Variants in ABCG1 observed in about 807,000 individuals in gnomAD.
The protein encoded by ABCG1 is ATP binding cassette subfamily G member 1.
In ABCG1, 29 loss-of-function variants were observed where a neutral mutation model predicts 69.2. The observed-to-expected ratio is 0.42, with a 90% CI of 0.31 to 0.57. The LOEUF (loss-of-function observed/expected upper bound fraction) is 0.57, where lower values mean the gene tolerates loss of function less well. ABCG1 is among the 20% of genes least tolerant of loss of function. The pLI is 0.15. For missense variants in ABCG1, 718 were observed against 898.1 expected (o/e 0.80, Z 2.56); for synonymous variants, 370 against 374.8 (o/e 0.99, Z 0.15).
At position 42,288,346 on chromosome 21, in the gene ABCG1, G is replaced by A; in HGVS notation, c.1224+34G>A. 6.6e-7 allele frequency: 1 copy of A among 1,507,230 alleles called. No individual in the cohort carries two copies. Among genetic ancestry groups the A allele is most frequent in the Non-Finnish European group, 9.2e-7 (1 of 1,084,386 alleles). 93.4% of individuals were successfully genotyped at this position (1,507,230 alleles called of 1,614,324 possible). The stretch of plus-strand genomic sequence containing the variant: ...GCCCGCATCTTCTCCTGTAGCTGGG[G>A]AACCCGTGGGTCATTTTCTCAGACT... On this transcript the variant is annotated intron_variant, in intron 10 of 14. Coordinates refer to ENST00000398449, the MANE Select transcript of ABCG1 (RefSeq NM_016818.3). This position sits in a 1 kb window ranked among gnomAD's most constrained non-coding sequence, Gnocchi z 4.8.
chr21:42,276,817 C>T lies in ABCG1; in HGVS notation c.538-78C>T. On this transcript the variant is annotated intron_variant, in intron 4 of 14. Transcript: ENST00000398449. The surrounding 1 kb of genome is among the most constrained non-coding windows in gnomAD (Gnocchi z 5.3). ...TGCATCTTGGCTAGCTGCACCGTGG[C>T]CTGCAGTGCGGGCATGAGGCTCACA... is the stretch of plus-strand genomic sequence containing the variant. 1 of 1,467,940 alleles carries T rather than the reference C, an allele frequency of 6.8e-7. No individual in the cohort carries two copies. The highest frequency in any genetic ancestry group is 1.7e-5 in the Admixed American group (1 of 58,974). The allele number at this position is 1,467,940 out of a possible 1,614,324, so 90.9% of individuals were successfully genotyped here. A position where few individuals can be genotyped will look rare whatever the true frequency, so the allele number is the denominator to read the frequency against.
chr21:42,220,124 A>G (rs940551275), intron 1 of ABCG1: 4 of 1,346,086 alleles, frequency 3.0e-6, no homozygotes, highest in South Asian at 2.6e-5. Flanking sequence ...CAAACCAATC[A>G]TCAGGCCCCC....
At chr21:42,201,063 T>G (rs1486088297) in intron 1 of ABCG1, among the ~76,000 whole-genome samples, 2 of 152,108 alleles carry the variant, frequency 1.3e-5, no homozygotes, top group African/African-American at 2.4e-5. Context: ...ATTGTGCTTT[T>G]TTTTTTCACC....
In ABCG1 at chr21:42,270,938, T is replaced by C. The variant is rs1394365396; in HGVS notation, c.287-132T>C. The C allele has an allele frequency of 7.3e-6, 4 of 548,794 alleles. No individual in the cohort carries two copies. The East Asian group carries it at 1.3e-4, about 17-fold the overall frequency. The allele number at this position is 548,794 out of a possible 1,614,324, so 34.0% of individuals were successfully genotyped here. On this transcript the variant is annotated intron_variant, in intron 2 of 14. Coordinates refer to ENST00000398449, the MANE Select transcript of ABCG1 (RefSeq NM_016818.3). ...AAGACATGAAGTTCATGTTCTTCCC[T>C]GGAATGCAGCCTTTTCTATGATGCA...
chr21:42,215,310 CAG>C (rs2067628277), upstream of ABCG1, among the ~76,000 whole-genome samples: 1 of 152,244 alleles, frequency 6.6e-6, no homozygotes, highest in Admixed American at 6.5e-5. Context: ...ATCCTCACGC[CAG>C]AGGCCAAGTC....
At chr21:42,215,504 C>A (rs562102294), upstream of ABCG1, among the ~76,000 whole-genome samples, 29 of 152,336 alleles carry the variant, frequency 1.9e-4, no homozygotes, top group African/African-American at 6.7e-4. Context: ...CTGTTGGCTG[C>A]AAGTCAAGGC....
At chr21:42,294,352 C>CG (rs1311682906) in intron 13 of ABCG1, among the ~76,000 whole-genome samples, 190 bp from the exon 14 acceptor site, 1 of 152,126 alleles carries the variant, frequency 6.6e-6, no homozygotes, top group African/African-American at 2.4e-5. Context: ...GCAGGGCAGC[C>CG]GGGGGGTCCT....
chr21:42,216,179 A>G (rs546305232), upstream of ABCG1: 649 of 450,674 alleles, frequency 1.4e-3, 10 homozygotes, highest in South Asian at 9.9e-3. Context: ...TTCCCCAGCC[A>G]CATGGAACTG....
At chr21:42,293,421 CCACACTA>C (rs1236875379) in intron 13 of ABCG1, among the ~76,000 whole-genome samples, 2 of 137,468 alleles carry the variant, frequency 1.5e-5, no homozygotes, top group African/African-American at 2.7e-5. Context: ...TACACACATA[CCACACTA>C]CACACTACAC....
At chr21:42,295,627 G>A (rs2146362996) in intron 14 of ABCG1, among the ~76,000 whole-genome samples, 1 of 152,340 alleles carries the variant, frequency 6.6e-6, no homozygotes, top group Non-Finnish European at 1.5e-5. Context: ...TCAGACTTAG[G>A]TATATTGTTC....
chr21:42,243,813 G>GATTT (rs1695780556), intron 2 of ABCG1, among the ~76,000 whole-genome samples: 2 of 131,188 alleles, frequency 1.5e-5, no homozygotes, highest in Non-Finnish European at 3.2e-5. Flanking sequence ...TTTATCTTTG[G>GATTT]CTTTTTTTTT....
intron 2 of ABCG1, among the ~76,000 whole-genome samples, chr21:42,244,736 A>G (rs1032469474): frequency 1.3e-5 from 2 of 152,210 alleles, no homozygotes; most frequent in Non-Finnish European, 2.9e-5. Flanking sequence ...ACTCAAGGAC[A>G]GGGCTGTTTA....
intron 2 of ABCG1, among the ~76,000 whole-genome samples, chr21:42,242,330 G>T (rs918785225): frequency 1.3e-5 from 2 of 152,198 alleles, no homozygotes; most frequent in Admixed American, 6.5e-5. Flanking sequence ...ATAGCGAGAC[G>T]CTGTCTCTAC....
chr21:42,254,871 C>T (rs1016152897), intron 2 of ABCG1, among the ~76,000 whole-genome samples: 8 of 152,188 alleles, frequency 5.3e-5, no homozygotes, highest in African/African-American at 1.7e-4. Flanking sequence ...GGGAGTGTAG[C>T]GCAGCTGGGC....
intron 2 of ABCG1, among the ~76,000 whole-genome samples, chr21:42,250,613 T>C (rs1417148446): frequency 6.6e-6 from 1 of 152,196 alleles, no homozygotes; most frequent in East Asian, 1.9e-4. Context: ...TGGCCGCTCA[T>C]GGTCATTGAG....
At chr21:42,214,356 C>T (rs1213364042), upstream of ABCG1, among the ~76,000 whole-genome samples, 1 of 152,218 alleles carries the variant, frequency 6.6e-6, no homozygotes, top group African/African-American at 2.4e-5. Flanking sequence ...CTTGGACTTC[C>T]CAGCTTCCAG....
intron 5 of ABCG1, among the ~76,000 whole-genome samples, chr21:42,278,484 G>A (rs1352322763): frequency 6.6e-6 from 1 of 152,198 alleles, no homozygotes; most frequent in African/African-American, 2.4e-5. Context: ...ATATGGGTGG[G>A]CCTCAGTCCA....
intron 2 of ABCG1, chr21:42,256,346 G>A: frequency 6.5e-7 from 1 of 1,550,132 alleles, no homozygotes; most frequent in African/African-American, 1.4e-5. Flanking sequence ...GGGGCTCCGG[G>A]ACATGGTCAG....
At chr21:42,256,385 C>T in intron 2 of ABCG1, 2 of 1,550,328 alleles carry the variant, frequency 1.3e-6, no homozygotes, top group Non-Finnish European at 1.7e-6. Flanking sequence ...TACCGCCATT[C>T]TCTTGGCCAG....
Sources: allele counts gnomAD v4.1 joint callset (sites outside exome capture counted in the v4.1 genomes callset), GRCh38; gene constraint gnomAD v4.1.1; non-coding constraint Gnocchi (gnomAD v3.1); transcripts MANE v1.5; gene names NCBI Gene and HGNC (gene_info 2026-07-23, HGNC 2026-07-21).